ACOX3: variants seen among roughly 807,000 people sequenced by gnomAD.
ACOX3 encodes the protein peroxisomal acyl-coenzyme A oxidase 3.
ACOX3 carries 73 observed loss-of-function variants against 81.5 expected under a neutral mutation model. That is an observed-to-expected ratio of 0.90 (90% CI 0.74 to 1.09). The LOEUF is 1.09. Among genes scored for constraint, ACOX3 ranks in the 50% least tolerant of loss-of-function variants. The pLI, the probability that ACOX3 is intolerant of heterozygous loss-of-function variation, is 0.00. For missense variants in ACOX3, 947 were observed against 928.0 expected (o/e 1.02, Z -0.27); for synonymous variants, 387 against 375.1 (o/e 1.03, Z -0.37).
chr4:8,440,071 GA>G (rs34119869), intron 1 of ACOX3, among the ~76,000 whole-genome samples: 1 of 152,222 alleles, frequency 6.6e-6, no homozygotes, highest in Non-Finnish European at 1.5e-5. Context: ...GACATTGTAT[GA>G]AAAAAGCATT....
At chr4:8,393,856 AAC>A (rs1332407920) in intron 10 of ACOX3, among the ~76,000 whole-genome samples, 1 of 152,186 alleles carries the variant, frequency 6.6e-6, no homozygotes, top group Admixed American at 6.5e-5. Context: ...CTCCAGGGAA[AAC>A]ACAGGCTTAA....
chr4:8,433,097 T>G (rs979965713), intron 1 of ACOX3, among the ~76,000 whole-genome samples: 1 of 152,244 alleles, frequency 6.6e-6, no homozygotes, highest in African/African-American at 2.4e-5. Flanking sequence ...ATCCTTGACC[T>G]AAGCCTGGAT....
intron 5 of ACOX3, among the ~76,000 whole-genome samples, chr4:8,411,473 G>T (rs190407933): frequency 1.3e-5 from 2 of 152,310 alleles, no homozygotes; most frequent in Admixed American, 1.3e-4. Flanking sequence ...TTCTCTCAGG[G>T]GACCACCAGC....
chr4:8,394,932 C>T lies in ACOX3; in HGVS notation c.1057-190G>A, dbSNP rs1340434105. 9.5e-5 allele frequency: 66 copies of T among 693,978 alleles called. No homozygotes were observed. The East Asian group carries it at 1.8e-3, about 19-fold the overall frequency. 43.0% of individuals were successfully genotyped at this position (693,978 alleles called of 1,614,324 possible). A position where few individuals can be genotyped will look rare whatever the true frequency, so the allele number is the denominator to read the frequency against. On this transcript the variant is annotated intron_variant, in intron 9 of 17. Transcript: ENST00000356406. The surrounding 1 kb of genome is among the most constrained non-coding windows in gnomAD (Gnocchi z 5.9). ...TGACACGCTCTCAACTCAGCCAGTT[C>T]GGCTTTCACCCATAGCCCTTGACAG...
chr4:8,396,008 C>A (rs1196805856), intron 9 of ACOX3, among the ~76,000 whole-genome samples: 2 of 152,246 alleles, frequency 1.3e-5, no homozygotes, highest in Non-Finnish European at 2.9e-5. Flanking sequence ...ACCCTCTTAG[C>A]TGTGAAGACC....
rs115974522 is a variant in ACOX3 at position 8,376,587 on chromosome 4, C to T, written c.1654-1435G>A. ...CAGAAACCGGGAGAAGCGCCTTTCC[C>T]GCTGTGCTTCATGCCAGGCTGACTG... is the stretch of plus-strand genomic sequence containing the variant. On this transcript the variant is annotated intron_variant, in intron 14 of 17. Coordinates refer to ENST00000356406, the MANE Select transcript of ACOX3 (RefSeq NM_003501.3). Among the ~76,000 whole-genome samples the T allele has an allele frequency of 2.1e-3, 326 of 152,278 alleles. 1 individual carries two copies. Among genetic ancestry groups the T allele is most frequent in the African/African-American group, 7.6e-3 (316 of 41,568 alleles).
intron 14 of ACOX3, among the ~76,000 whole-genome samples, chr4:8,377,203 C>T (rs1259987881): frequency 6.6e-6 from 1 of 152,200 alleles, no homozygotes; most frequent in Non-Finnish European, 1.5e-5. Flanking sequence ...CCCAGCAGGG[C>T]CCAGGCACAG....
At chr4:8,374,003 T>TAA in intron 15 of ACOX3, 1 of 184,814 alleles carries the variant, frequency 5.4e-6, no homozygotes, top group Non-Finnish European at 1.1e-5. Flanking sequence ...CAGGGGTGCA[T>TAA]GGCAGGGGGC....
intron 11 of ACOX3, among the ~76,000 whole-genome samples, chr4:8,390,051 C>T (rs879925398): frequency 7.0e-5 from 10 of 142,798 alleles, no homozygotes; most frequent in African/African-American, 5.6e-5. Flanking sequence ...TGCAGTGAGC[C>T]GAGATTGCGC....
intron 13 of ACOX3, among the ~76,000 whole-genome samples, chr4:8,387,818 G>A (rs1274174621): frequency 6.6e-6 from 1 of 152,174 alleles, no homozygotes; most frequent in Admixed American, 6.5e-5. Flanking sequence ...CAGGCAGCTG[G>A]CACCAAGGGA....
chr4:8,423,973 G>A lies in ACOX3; in HGVS notation c.-14-7438C>T, dbSNP rs1723209621. Among the ~76,000 whole-genome samples the A allele has an allele frequency of 4.6e-5, 7 of 152,306 alleles. No individual in the cohort carries two copies. The highest frequency in any genetic ancestry group is 3.3e-4 in the Admixed American group (5 of 15,300). ...CCATTCAGAAACCTTGTGCCATCAAGCCACCCAAGTGCTCTTAAACTTCAT... is the reference window on the plus strand; with the variant it reads ...CCATTCAGAAACCTTGTGCCATCAAACCACCCAAGTGCTCTTAAACTTCAT... On this transcript the variant is annotated intron_variant, in intron 1 of 17. Transcript: ENST00000356406. The surrounding 1 kb of genome is among the most constrained non-coding windows in gnomAD (Gnocchi z 4.2).
chr4:8,420,452 G>A (rs547148643), intron 1 of ACOX3, among the ~76,000 whole-genome samples: 1 of 152,304 alleles, frequency 6.6e-6, no homozygotes, highest in South Asian at 2.1e-4. Flanking sequence ...CTTTAAACAT[G>A]GGGCTTGTAA....
intron 1 of ACOX3, chr4:8,439,222 T>C (rs1724438943): frequency 6.6e-6 from 1 of 152,160 alleles, no homozygotes; most frequent in Non-Finnish European, 1.5e-5. Context: ...AAGAAACACC[T>C]ATATAAGGTG....
Position 8,366,819 on chromosome 4 carries a change from G to A in ACOX3, c.*142C>T. 6 of 1,236,116 alleles carry A rather than the reference G, an allele frequency of 4.9e-6. No homozygotes were observed. Among genetic ancestry groups the A allele is most frequent in the Non-Finnish European group, 6.7e-6 (6 of 894,290 alleles). The allele number at this position is 1,236,116 out of a possible 1,614,324, so 76.6% of individuals were successfully genotyped here. ...CCCTCCCGTCCGCCTGGGCAGTTGA[G>A]GCCAATCAGCAGTTTAGGCGCACAG... On this transcript the variant is annotated 3_prime_UTR_variant, in exon 18 of 18. Transcript: ENST00000356406.
At chr4:8,357,106 T>C in the ACOX3 span, 45 of 456,050 alleles carry the variant, frequency 9.9e-5, no homozygotes, top group Admixed American at 5.9e-4. Flanking sequence ...AGGAAGAAAG[T>C]GAGCAGAATG....
rs1025276625 is a variant in ACOX3 at position 8,404,917 on chromosome 4, G to C, written c.776+1038C>G. Among the ~76,000 whole-genome samples, 5 of 152,108 alleles carry C rather than the reference G, an allele frequency of 3.3e-5. No homozygotes were observed. In the South Asian group the frequency reaches 8.3e-4, roughly 25 times the overall value. ...GGCACAGAGGGGTCTACACCCTGCTGGATCAGGCTCTCGGGGGAGACAGCG... is the reference window on the plus strand; with the variant it reads ...GGCACAGAGGGGTCTACACCCTGCTCGATCAGGCTCTCGGGGGAGACAGCG... On this transcript the variant is annotated intron_variant, in intron 7 of 17. Coordinates refer to ENST00000356406, the MANE Select transcript of ACOX3 (RefSeq NM_003501.3).
chr4:8,416,258 C>A lies in ACOX3; in HGVS notation c.144+120G>T. ...GGGTGCAGAGAGGAGAGAGGCCGCG[C>A]TGCCTGGGATGAGCCTCGCCCGGCA... is the stretch of plus-strand genomic sequence containing the variant. On this transcript the variant is annotated intron_variant, in intron 2 of 17. Coordinates refer to ENST00000356406, the MANE Select transcript of ACOX3 (RefSeq NM_003501.3). This position sits in a 1 kb window ranked among gnomAD's most constrained non-coding sequence, Gnocchi z 4.2. 6.4e-7 allele frequency: 1 copy of A among 1,551,652 alleles called. No individual in the cohort carries two copies.
In ACOX3 at chr4:8,431,907, C is replaced by T. The variant is rs568687402; in HGVS notation, c.-15+8741G>A. On this transcript the variant is annotated intron_variant, in intron 1 of 17. Coordinates refer to ENST00000356406, the MANE Select transcript of ACOX3 (RefSeq NM_003501.3). This position sits in a 1 kb window ranked among gnomAD's most constrained non-coding sequence, Gnocchi z 5.3. Reference sequence around the variant, plus strand: ...AAAGCTAAAGTTGCCTCCCACCCTCCGGTCATTTGTCTCCATTTATCCCTT... The same window carrying T: ...AAAGCTAAAGTTGCCTCCCACCCTCTGGTCATTTGTCTCCATTTATCCCTT... Among the ~76,000 whole-genome samples, 5 of 152,364 alleles carry T rather than the reference C, an allele frequency of 3.3e-5. No homozygotes were observed. In the South Asian group the frequency reaches 6.2e-4, roughly 19 times the overall value.
At position 8,430,203 on chromosome 4, in the gene ACOX3, T is replaced by C. The variant is rs957615451; in HGVS notation, c.-15+10445A>G. Reference sequence around the variant, plus strand: ...TTAAACAGACATATAATTATGGGTATCAGTGGGAGCGTCCGATTGCAAAAG... The same window carrying C: ...TTAAACAGACATATAATTATGGGTACCAGTGGGAGCGTCCGATTGCAAAAG... On this transcript the variant is annotated intron_variant, in intron 1 of 17. Coordinates refer to ENST00000356406, the MANE Select transcript of ACOX3 (RefSeq NM_003501.3). The surrounding 1 kb of genome is among the most constrained non-coding windows in gnomAD (Gnocchi z 5.2). Among the ~76,000 whole-genome samples, 13 of 152,250 alleles carry C rather than the reference T, an allele frequency of 8.5e-5. No homozygotes were observed. Among genetic ancestry groups the C allele is most frequent in the African/African-American group, 3.1e-4 (13 of 41,466 alleles).
Sources: allele counts gnomAD v4.1 joint callset (sites outside exome capture counted in the v4.1 genomes callset), GRCh38; gene constraint gnomAD v4.1.1; non-coding constraint Gnocchi (gnomAD v3.1); transcripts MANE v1.5; gene names NCBI Gene and HGNC (gene_info 2026-07-23, HGNC 2026-07-21).